The following PCGF5 variants were observed in gnomAD, a reference collection of about 807,000 sequenced individuals.
The protein encoded by PCGF5 is polycomb group RING finger protein 5.
PCGF5 carries 9 observed loss-of-function variants against 44.3 expected under a neutral mutation model. The ratio of observed to expected loss-of-function variants is 0.20; its 90% CI spans 0.12 to 0.35. PCGF5 has a LOEUF of 0.35. Among genes scored for constraint, PCGF5 ranks in the 10% least tolerant of loss-of-function variants. The pLI, the probability that PCGF5 is intolerant of heterozygous loss-of-function variation, is 1.00. For synonymous variants in PCGF5, 95 were observed against 102.5 expected, an observed-to-expected ratio of 0.93 and a Z score of 0.44; for missense variants, 146 against 305.3, an observed-to-expected ratio of 0.48 and a Z score of 3.89.
chr10:91,257,266 A>G lies in PCGF5; in HGVS notation c.475-4060A>G, dbSNP rs543817707. On this transcript the variant is annotated intron_variant, in intron 6 of 9. Coordinates refer to ENST00000336126, the MANE Select transcript of PCGF5 (RefSeq NM_032373.5). ...CAAAACCACAATGAGATATCATTTT[A>G]TACCTACTAGGATGGCCAGAAATTT... 1.6e-3 allele frequency among the ~76,000 whole-genome samples: 241 copies of G among 152,256 alleles called. 2 individuals are homozygous for G. Among genetic ancestry groups the G allele is most frequent in the Middle Eastern group, 0.014 (4 of 294 alleles).
chr10:91,174,634 A>G (rs983782472), intron 1 of PCGF5, among the ~76,000 whole-genome samples: 1 of 152,244 alleles, frequency 6.6e-6, no homozygotes, highest in African/African-American at 2.4e-5. Flanking sequence ...ATCTAGAAGG[A>G]TTCTCTTGAA....
intron 5 of PCGF5, among the ~76,000 whole-genome samples, chr10:91,249,146 T>A (rs1291571591): frequency 1.3e-5 from 2 of 151,796 alleles, no homozygotes; most frequent in African/African-American, 4.8e-5. Context: ...GATCAGGAGA[T>A]TTTACTATGC....
intron 2 of PCGF5, among the ~76,000 whole-genome samples, chr10:91,225,490 C>G (rs982576359): frequency 1.3e-5 from 2 of 151,266 alleles, no homozygotes; most frequent in African/African-American, 4.9e-5. Flanking sequence ...CCAAATGTGG[C>G]CTTTATCGTC....
At chr10:91,264,335 C>A in intron 7 of PCGF5, 96 bp from the exon 8 acceptor site, 1 of 924,592 alleles carries the variant, frequency 1.1e-6, no homozygotes, top group South Asian at 1.7e-5. Flanking sequence ...TACTTTTGTT[C>A]CAACTATTTG....
At chr10:91,276,225 A>G (rs1209961157) in intron 9 of PCGF5, among the ~76,000 whole-genome samples, 1 of 151,862 alleles carries the variant, frequency 6.6e-6, no homozygotes, top group South Asian at 2.1e-4. Flanking sequence ...ACCATTCTGT[A>G]TTTTCCAAAT....
At chr10:91,182,904 A>G (rs1589355284) in intron 1 of PCGF5, among the ~76,000 whole-genome samples, 1 of 152,182 alleles carries the variant, frequency 6.6e-6, no homozygotes, top group Non-Finnish European at 1.5e-5. Flanking sequence ...AGGTTATTCA[A>G]TTTCCATGCA....
chr10:91,272,397 T>C (rs191520202), intron 9 of PCGF5, among the ~76,000 whole-genome samples: 12 of 152,230 alleles, frequency 7.9e-5, no homozygotes, highest in African/African-American at 2.9e-4. Flanking sequence ...GTAATCCCAG[T>C]GCTTTGGGAG....
chr10:91,273,592 T>C (rs1485231830), intron 9 of PCGF5, among the ~76,000 whole-genome samples: 1 of 152,166 alleles, frequency 6.6e-6, no homozygotes, highest in African/African-American at 2.4e-5. Flanking sequence ...AAAGGATAAC[T>C]AAATGGTTTT....
chr10:91,198,228 C>A (rs1248582342), intron 1 of PCGF5, among the ~76,000 whole-genome samples: 1 of 152,170 alleles, frequency 6.6e-6, no homozygotes, highest in African/African-American at 2.4e-5. Flanking sequence ...CCCAGAAGAG[C>A]CTGCGAGACC....
At chr10:91,276,853 G>A (rs1846328569) in intron 9 of PCGF5, among the ~76,000 whole-genome samples, 1 of 152,168 alleles carries the variant, frequency 6.6e-6, no homozygotes, top group Admixed American at 6.5e-5. Flanking sequence ...GGTTGGGTGA[G>A]GTAGAATGGA....
At chr10:91,186,064 A>G (rs1843917400) in intron 1 of PCGF5, among the ~76,000 whole-genome samples, 1 of 152,258 alleles carries the variant, frequency 6.6e-6, no homozygotes, top group Non-Finnish European at 1.5e-5. Context: ...TTTTGCAGAC[A>G]GTAGTTAAAT....
At chr10:91,213,472 A>AAT (rs1554845323) in intron 1 of PCGF5, among the ~76,000 whole-genome samples, 2 of 151,012 alleles carry the variant, frequency 1.3e-5, no homozygotes, top group African/African-American at 2.4e-5. Flanking sequence ...ATTAAAAAAA[A>AAT]TTTTTTTTTA....
intron 1 of PCGF5, among the ~76,000 whole-genome samples, chr10:91,172,521 C>G (rs1843628338): frequency 6.6e-6 from 1 of 152,192 alleles, no homozygotes; most frequent in Admixed American, 6.5e-5. Flanking sequence ...AGACCCATGA[C>G]TGTCATACAC....
At chr10:91,261,024 T>C (rs1438811351) in intron 6 of PCGF5, among the ~76,000 whole-genome samples, 2 of 146,198 alleles carry the variant, frequency 1.4e-5, no homozygotes, top group African/African-American at 2.7e-5. Context: ...TTTTGTGACC[T>C]TTTTTTCTTT....
In PCGF5 at chr10:91,261,360, G is replaced by A. The variant is rs1232977395; in HGVS notation, c.509G>A (p.Arg170His). The A allele has an allele frequency of 4.0e-6, 6 of 1,505,690 alleles. No individual in the cohort carries two copies. Among genetic ancestry groups the A allele is most frequent in the South Asian group, 1.4e-5 (1 of 72,066 alleles). The allele number at this position is 1,505,690 out of a possible 1,614,324, so 93.3% of individuals were successfully genotyped here. Residue 170 changes from arginine (R) to histidine (H), a missense_variant, in exon 7 of 10, where the codon CGT becomes CAT. Coordinates refer to ENST00000336126, the MANE Select transcript of PCGF5 (RefSeq NM_032373.5). ...AAGAAATTCATTCGATGTTCTACAC[G>A]TGTAACTGTGGGAACTATTAAAAAA... Reference protein sequence around the residue: ...LMKKFIRCSTRVTVGTIKKFL... With the variant: ...LMKKFIRCSTHVTVGTIKKFL...
the PCGF5 span, among the ~76,000 whole-genome samples, chr10:91,156,340 T>C: frequency 6.6e-6 from 1 of 152,182 alleles, no homozygotes; most frequent in African/African-American, 2.4e-5. Flanking sequence ...GATGGTTAGA[T>C]AAGACCATTT....
At chr10:91,173,212 TA>T (rs1220070571) in intron 1 of PCGF5, among the ~76,000 whole-genome samples, 1 of 152,206 alleles carries the variant, frequency 6.6e-6, no homozygotes, top group Non-Finnish European at 1.5e-5. Context: ...GTGTTTTGAA[TA>T]AAACAACAAA....
At chr10:91,243,472 C>T (rs1446129943) in intron 3 of PCGF5, among the ~76,000 whole-genome samples, 1 of 152,142 alleles carries the variant, frequency 6.6e-6, no homozygotes, top group African/African-American at 2.4e-5. Context: ...TACTTTTTCT[C>T]AGTAAGCTAT....
intron 1 of PCGF5, among the ~76,000 whole-genome samples, chr10:91,169,886 A>G (rs1423567366): frequency 6.6e-6 from 1 of 152,254 alleles, no homozygotes; most frequent in Non-Finnish European, 1.5e-5. Flanking sequence ...ATAAACCTAT[A>G]GTAATCAAGA....
Sources: allele counts gnomAD v4.1 joint callset (sites outside exome capture counted in the v4.1 genomes callset), GRCh38; gene constraint gnomAD v4.1.1; transcripts MANE v1.5; gene names NCBI Gene and HGNC (gene_info 2026-07-23, HGNC 2026-07-21).